SSR1: variants seen among roughly 807,000 people sequenced by gnomAD.
SSR1 encodes signal sequence receptor subunit 1.
In SSR1, 13 loss-of-function variants were observed where a neutral mutation model predicts 36.1. The observed-to-expected ratio is 0.36, with a 90% CI of 0.23 to 0.57. The LOEUF is 0.57. Among genes scored for constraint, SSR1 ranks in the 20% least tolerant of loss-of-function variants. The pLI, the probability that SSR1 is intolerant of heterozygous loss-of-function variation, is 0.81. For synonymous variants in SSR1, 113 were observed against 118.9 expected (o/e 0.95, Z 0.32); for missense variants, 291 against 338.5 (o/e 0.86, Z 1.10).
intron 2 of SSR1, among the ~76,000 whole-genome samples, chr6:7,306,762 A>C (rs979829626): frequency 1.3e-5 from 2 of 151,752 alleles, no homozygotes; most frequent in South Asian, 2.1e-4. Flanking sequence ...TAAAAATACA[A>C]AAAATTAGCC....
In SSR1 at chr6:7,304,920, TAAGA is replaced by T. The variant is rs1177150390; in HGVS notation, c.193-1287_193-1284del. 3.3e-5 allele frequency among the ~76,000 whole-genome samples: 5 copies of T among 152,326 alleles called. No homozygotes were observed. The East Asian group carries it at 5.8e-4, about 18-fold the overall frequency. On this transcript the variant is annotated intron_variant, in intron 2 of 7. Transcript: ENST00000244763. ...TCCTCCACCATCCAGCTCATGCACT[TAAGA>T]GAGAGTGCACTCAAACACACTTGTT...
chr6:7,282,244 A>G lies in SSR1; in HGVS notation c.*7620T>C, dbSNP rs1406405773. The stretch of plus-strand genomic sequence containing the variant: ...GAAAAGGAAGCCAAGAACATAGGAG[A>G]TATTTTGACAAAACGGAAAAACAAC... On this transcript the variant is annotated 3_prime_UTR_variant, in exon 8 of 8. Coordinates refer to ENST00000244763, the MANE Select transcript of SSR1 (RefSeq NM_003144.5). 3 of 152,286 alleles carry G rather than the reference A, an allele frequency of 2.0e-5. No homozygotes were observed. Among genetic ancestry groups the G allele is most frequent in the Non-Finnish European group, 2.9e-5 (2 of 68,100 alleles). 9.4% of individuals were successfully genotyped at this position (152,286 alleles called of 1,614,324 possible). A position where few individuals can be genotyped will look rare whatever the true frequency, so the allele number is the denominator to read the frequency against.
chr6:7,306,107 T>G (rs144168105), intron 2 of SSR1, among the ~76,000 whole-genome samples: 1 of 152,224 alleles, frequency 6.6e-6, no homozygotes, highest in Non-Finnish European at 1.5e-5. Flanking sequence ...TCTGAGCCAT[T>G]TGAATATATC....
chr6:7,302,632 C>T (rs1289016381), intron 3 of SSR1, among the ~76,000 whole-genome samples: 1 of 151,704 alleles, frequency 6.6e-6, no homozygotes, highest in East Asian at 1.9e-4. Flanking sequence ...CGTGATGGAG[C>T]GTGCCTGTAG....
intron 4 of SSR1, 111 bp downstream of exon 4, chr6:7,301,199 C>G: frequency 2.2e-6 from 3 of 1,334,358 alleles, no homozygotes; most frequent in East Asian, 4.7e-5. Context: ...GTGGCTATCA[C>G]AGGTTCAACC....
chr6:7,292,951 A>C (rs886539365), intron 7 of SSR1, among the ~76,000 whole-genome samples: 2 of 152,192 alleles, frequency 1.3e-5, no homozygotes, highest in Non-Finnish European at 2.9e-5. Context: ...AAAACAATTT[A>C]AAAATGGAAA....
In SSR1 at chr6:7,289,633, C is replaced by T; in HGVS notation, c.*231G>A. The stretch of plus-strand genomic sequence containing the variant: ...AAGACCAACTGCTCACATACATACA[C>T]ACGCACACACATAGATTTTAATGGT... On this transcript the variant is annotated 3_prime_UTR_variant, in exon 8 of 8. Transcript: ENST00000244763. 2 of 522,546 alleles carry T rather than the reference C, an allele frequency of 3.8e-6. No individual in the cohort carries two copies. The highest frequency in any genetic ancestry group is 4.4e-4 in the Middle Eastern group (1 of 2,292). 32.4% of individuals were successfully genotyped at this position (522,546 alleles called of 1,614,324 possible). A position where few individuals can be genotyped will look rare whatever the true frequency, so the allele number is the denominator to read the frequency against.
At chr6:7,301,784 C>A (rs954645239) in intron 3 of SSR1, among the ~76,000 whole-genome samples, 1 of 152,152 alleles carries the variant, frequency 6.6e-6, no homozygotes, top group African/African-American at 2.4e-5. Flanking sequence ...AGCACTCCCA[C>A]ATAAGCATTC....
intron 5 of SSR1, 24 bp downstream of exon 5, chr6:7,298,722 TC>T: frequency 6.3e-7 from 1 of 1,575,116 alleles, no homozygotes; most frequent in Non-Finnish European, 8.7e-7. Context: ...AAAATCAAGA[TC>T]TACATACTAC....
At chr6:7,301,647 T>G in intron 3 of SSR1, 75 bp from the exon 4 acceptor site, 1 of 1,444,414 alleles carries the variant, frequency 6.9e-7, no homozygotes, top group Non-Finnish European at 9.3e-7. Context: ...GCATTACTAA[T>G]GGATTCTGGC....
In SSR1 at chr6:7,289,637, C is replaced by T. The variant is rs1757635359; in HGVS notation, c.*227G>A. On this transcript the variant is annotated 3_prime_UTR_variant, in exon 8 of 8. Transcript: ENST00000244763. ...CCAACTGCTCACATACATACACACG[C>T]ACACACATAGATTTTAATGGTTTAA... 9 of 528,388 alleles carry T rather than the reference C, an allele frequency of 1.7e-5. No homozygotes were observed. The highest frequency in any genetic ancestry group is 1.6e-4 in the South Asian group (6 of 36,984). 32.7% of individuals were successfully genotyped at this position (528,388 alleles called of 1,614,324 possible). A position where few individuals can be genotyped will look rare whatever the true frequency, so the allele number is the denominator to read the frequency against.
intron 2 of SSR1, 138 bp from the exon 3 acceptor site, chr6:7,303,775 C>A: frequency 1.7e-6 from 1 of 583,546 alleles, no homozygotes; most frequent in Non-Finnish European, 3.0e-6. Flanking sequence ...CACCTGAAGT[C>A]AGGAGCTCGA....
At chr6:7,297,816 C>T (rs887934628) in intron 6 of SSR1, 107 bp downstream of exon 6, 20 of 732,432 alleles carry the variant, frequency 2.7e-5, no homozygotes, top group African/African-American at 1.6e-4. Flanking sequence ...CAAAGTTCTA[C>T]GTATACAAAC....
At chr6:7,309,829 G>C in intron 2 of SSR1, 88 bp downstream of exon 2, 1 of 1,103,222 alleles carries the variant, frequency 9.1e-7, no homozygotes, top group Non-Finnish European at 1.4e-6. Flanking sequence ...AAATTACCCA[G>C]TCTTGGGTAT....
Position 7,295,455 on chromosome 6 carries a change from C to A in SSR1, c.730G>T (p.Gly244Cys). ...TCAACATCATTCTGACTTGATGTACCCATTTCTACTTTCTGTATGGGTCTC... is the reference window on the plus strand; with the variant it reads ...TCAACATCATTCTGACTTGATGTACACATTTCTACTTTCTGTATGGGTCTC... ...RKRPIQKVEM[G>C]TSSQNDVDMS... is the part of the protein sequence containing the mutation. The change falls in exon 7 of 8, where the codon GGT (glycine) becomes TGT (cysteine). Residue 244 changes from glycine (G) to cysteine (C), a missense_variant. Gly to Cys is a radical substitution (Grantham distance 159). Transcript: ENST00000244763. 1 of 1,610,328 alleles carries A rather than the reference C, an allele frequency of 6.2e-7. No homozygotes were observed. The highest frequency in any genetic ancestry group is 2.2e-5 in the East Asian group (1 of 44,644).
chr6:7,292,142 A>G (rs1017581343), intron 7 of SSR1, among the ~76,000 whole-genome samples: 1 of 152,112 alleles, frequency 6.6e-6, no homozygotes, highest in African/African-American at 2.4e-5. Context: ...AATGTTTCCA[A>G]ATCTTGATTC....
chr6:7,306,659 G>C (rs1758061432), intron 2 of SSR1, among the ~76,000 whole-genome samples: 2 of 150,884 alleles, frequency 1.3e-5, no homozygotes, highest in Admixed American at 1.3e-4. Context: ...GCTCATGCCT[G>C]TAATCCCAGC....
Position 7,281,301 on chromosome 6 carries a change from C to G in SSR1, c.*8563G>C, listed in dbSNP as rs752224114. ...GCTTTACCACACTTACAAACTGATA[C>G]CCAAATAACAGAAATGTTTCTCAAA... On this transcript the variant is annotated 3_prime_UTR_variant, in exon 8 of 8. Coordinates refer to ENST00000244763, the MANE Select transcript of SSR1 (RefSeq NM_003144.5). The G allele has an allele frequency of 1.4e-4, 21 of 151,868 alleles. No individual in the cohort carries two copies. Among genetic ancestry groups the G allele is most frequent in the Admixed American group, 2.0e-4 (3 of 15,220 alleles). The allele number at this position is 151,868 out of a possible 1,614,324, so 9.4% of individuals were successfully genotyped here.
intron 7 of SSR1, 83 bp downstream of exon 7, chr6:7,295,309 A>T (rs905015924): frequency 7.2e-5 from 90 of 1,251,556 alleles, no homozygotes; most frequent in Non-Finnish European, 1.9e-5. Flanking sequence ...GTACTGAAAA[A>T]GTTTTTTTTT....
Sources: allele counts gnomAD v4.1 joint callset (sites outside exome capture counted in the v4.1 genomes callset), GRCh38; gene constraint gnomAD v4.1.1; transcripts MANE v1.5; gene names NCBI Gene and HGNC (gene_info 2026-07-23, HGNC 2026-07-21).